NSD3: variants seen among roughly 807,000 people sequenced by gnomAD.
NSD3 encodes histone-lysine N-methyltransferase NSD3.
In NSD3, 24 loss-of-function variants were observed where a neutral mutation model predicts 160.8. The observed-to-expected ratio is 0.15, with a 90% CI of 0.11 to 0.21. NSD3 has a LOEUF of 0.21. NSD3 is among the 10% of genes least tolerant of loss of function. The pLI is 1.00. For synonymous variants in NSD3, 520 were observed against 600.0 expected (o/e 0.87, Z 1.95); for missense variants, 1,157 against 1,735.9 (o/e 0.67, Z 5.93).
At chr8:38,337,931 T>C (rs1810263883) in intron 3 of NSD3, among the ~76,000 whole-genome samples, 1 of 152,194 alleles carries the variant, frequency 6.6e-6, no homozygotes, top group South Asian at 2.1e-4. Flanking sequence ...AGGAAAAATA[T>C]TAATAAGCCC....
chr8:38,296,434 A>G lies in NSD3; in HGVS notation c.2759-482T>C, dbSNP rs1360722173. Among the ~76,000 whole-genome samples the G allele has an allele frequency of 3.3e-5, 5 of 151,624 alleles. No individual in the cohort carries two copies. In the East Asian group the frequency reaches 7.8e-4, roughly 24 times the overall value. On this transcript the variant is annotated intron_variant, in intron 15 of 23. Transcript: ENST00000317025. ...CAATATAATTAGCAAGCAAAAAAATAGCCAATAGGTTGATCAGTACTTTTT... is the reference window on the plus strand; with the variant it reads ...CAATATAATTAGCAAGCAAAAAAATGGCCAATAGGTTGATCAGTACTTTTT...
chr8:38,315,140 T>C (rs551393820), intron 11 of NSD3, among the ~76,000 whole-genome samples: 20 of 152,366 alleles, frequency 1.3e-4, no homozygotes, highest in African/African-American at 4.8e-4. Flanking sequence ...AGAAAGTTAT[T>C]ACTTTAAAAT....
In NSD3 at chr8:38,348,177, T is replaced by A. The variant is rs924938128; in HGVS notation, c.-6A>T. Reference sequence around the variant, plus strand: ...AAAGAGAAAGAGAAATCCATTGTTCTGCTCCAGCATCCTTAACTTTCCCTT... The same window carrying A: ...AAAGAGAAAGAGAAATCCATTGTTCAGCTCCAGCATCCTTAACTTTCCCTT... On this transcript the variant is annotated 5_prime_UTR_variant, in exon 2 of 24. Coordinates refer to ENST00000317025, the MANE Select transcript of NSD3 (RefSeq NM_023034.2). 6.4e-7 allele frequency: 1 copy of A among 1,558,062 alleles called. No homozygotes were observed. The highest frequency in any genetic ancestry group is 1.2e-5 in the South Asian group (1 of 81,042).
At chr8:38,308,327 T>A (rs888519547) in intron 12 of NSD3, among the ~76,000 whole-genome samples, 16 of 152,142 alleles carry the variant, frequency 1.1e-4, no homozygotes, top group African/African-American at 3.9e-4. Context: ...CCATTGTAAA[T>A]ATGTAATTTC....
In NSD3 at chr8:38,362,400, C is replaced by A. The variant is rs1057108289; in HGVS notation, c.-44-14185G>T. Among the ~76,000 whole-genome samples, 4 of 151,464 alleles carry A rather than the reference C, an allele frequency of 2.6e-5. No individual in the cohort carries two copies. In the South Asian group the frequency reaches 8.3e-4, roughly 32 times the overall value. Reference sequence around the variant, plus strand: ...AACTGAGAGTACAGATTTGCTTCTTCCTTCCTAAGAAAGACCTCATAAATG... The same window carrying A: ...AACTGAGAGTACAGATTTGCTTCTTACTTCCTAAGAAAGACCTCATAAATG... On this transcript the variant is annotated intron_variant, in intron 1 of 23. Coordinates refer to ENST00000317025, the MANE Select transcript of NSD3 (RefSeq NM_023034.2).
intron 1 of NSD3, among the ~76,000 whole-genome samples, chr8:38,355,942 G>A (rs1012373101): frequency 6.6e-6 from 1 of 152,070 alleles, no homozygotes; most frequent in African/African-American, 2.4e-5. Flanking sequence ...GTAAATGGAG[G>A]GTTCAAACAC....
Position 38,316,967 on chromosome 8 carries a change from G to A in NSD3, c.1856-925C>T, listed in dbSNP as rs1005808305. 3.2e-5 allele frequency: 34 copies of A among 1,060,736 alleles called. No homozygotes were observed. The highest frequency in any genetic ancestry group is 3.7e-5 in the Non-Finnish European group (32 of 876,368). 65.7% of individuals were successfully genotyped at this position (1,060,736 alleles called of 1,614,324 possible). ...ACGGTGAATACCAAGGAACCAAGGAGACGGTTAATATTTCAACCCACAGTT... is the reference window on the plus strand; with the variant it reads ...ACGGTGAATACCAAGGAACCAAGGAAACGGTTAATATTTCAACCCACAGTT... On this transcript the variant is annotated intron_variant, in intron 9 of 23. Transcript: ENST00000317025. The surrounding 1 kb of genome is among the most constrained non-coding windows in gnomAD (Gnocchi z 4.5).
chr8:38,374,401 G>C (rs146007124), intron 1 of NSD3, among the ~76,000 whole-genome samples: 170 of 152,226 alleles, frequency 1.1e-3, no homozygotes, highest in African/African-American at 4.0e-3. Context: ...TTATCTATTA[G>C]AATGTGGGTA....
chr8:38,329,917 A>G lies in NSD3; in HGVS notation c.1066-24T>C. 1.3e-6 allele frequency: 2 copies of G among 1,543,870 alleles called. No homozygotes were observed. The highest frequency in any genetic ancestry group is 1.7e-6 in the Non-Finnish European group (2 of 1,154,380). ...ATCTTTAAAAAAGATAGAGATTATC[A>G]GACATGCTTTACTCTAATAGGTACA... On this transcript the variant is annotated intron_variant, in intron 5 of 23. Coordinates refer to ENST00000317025, the MANE Select transcript of NSD3 (RefSeq NM_023034.2). This position sits in a 1 kb window ranked among gnomAD's most constrained non-coding sequence, Gnocchi z 4.8.
chr8:38,295,751 T>C (rs757396832), intron 16 of NSD3, 45 bp downstream of exon 16: 8 of 1,590,908 alleles, frequency 5.0e-6, no homozygotes, highest in Non-Finnish European at 6.9e-6. Flanking sequence ...GAAACTGGTC[T>C]GCACAATGAT....
chr8:38,299,043 C>G (rs1172554641), intron 15 of NSD3, among the ~76,000 whole-genome samples: 2 of 152,184 alleles, frequency 1.3e-5, no homozygotes, highest in Non-Finnish European at 2.9e-5. Flanking sequence ...TAATAACCTA[C>G]CTTGTTATTT....
rs778959758 is a variant in NSD3, at chr8:38,347,522, G to A, written c.650C>T (p.Pro217Leu). Residue 217 changes from proline (P) to leucine (L), a missense_variant, in exon 2 of 24, where the codon CCC becomes CTC. Physicochemically the swap from Pro to Leu is moderately conservative, Grantham distance 98. Coordinates refer to ENST00000317025, the MANE Select transcript of NSD3 (RefSeq NM_023034.2). Reference protein sequence around the residue: ...RSEERKSHKIPKLEPEEQNRP... With the variant: ...RSEERKSHKILKLEPEEQNRP... ...ATTTTGTTCCTCTGGTTCTAATTTG[G>A]GGATTTTGTGTGACTTGCGCTCTTC... is the stretch of plus-strand genomic sequence containing the variant. 5.1e-6 allele frequency: 8 copies of A among 1,580,576 alleles called. No homozygotes were observed. Among genetic ancestry groups the A allele is most frequent in the Non-Finnish European group, 6.0e-6 (7 of 1,167,294 alleles).
chr8:38,284,941 G>T (rs62503952), intron 19 of NSD3, among the ~76,000 whole-genome samples: 1 of 152,082 alleles, frequency 6.6e-6, no homozygotes, highest in Non-Finnish European at 1.5e-5. Context: ...TGTAAATAAA[G>T]ATGGAAATAT....
At chr8:38,353,587 T>A (rs1273806939) in intron 1 of NSD3, among the ~76,000 whole-genome samples, 1 of 152,102 alleles carries the variant, frequency 6.6e-6, no homozygotes, top group Non-Finnish European at 1.5e-5. Context: ...ACAAAAAGTT[T>A]TATATTTTCC....
intron 1 of NSD3, among the ~76,000 whole-genome samples, chr8:38,357,889 C>T (rs1810863565): frequency 6.6e-6 from 1 of 152,104 alleles, no homozygotes; most frequent in African/African-American, 2.4e-5. Context: ...GTTACAGTCT[C>T]CTCAGGTAAT....
intron 2 of NSD3, among the ~76,000 whole-genome samples, chr8:38,345,713 C>T (rs1052036412): frequency 6.6e-5 from 10 of 151,602 alleles, no homozygotes; most frequent in Admixed American, 1.3e-4. Context: ...GAGTTTGAGA[C>T]CAGCCTGACT....
intron 14 of NSD3, chr8:38,299,882 G>C: frequency 4.0e-6 from 1 of 251,516 alleles, no homozygotes; most frequent in East Asian, 6.9e-5. Context: ...AAACCCCTTA[G>C]GGAAAACAAA....
At chr8:38,320,941 G>C (rs369509313) in intron 8 of NSD3, 131 bp downstream of exon 8, 3 of 776,830 alleles carry the variant, frequency 3.9e-6, no homozygotes, top group East Asian at 2.6e-5. Context: ...AACCCACCAG[G>C]ACAGAAGCGT....
At chr8:38,326,482 T>C (rs903815318) in intron 7 of NSD3, among the ~76,000 whole-genome samples, 2 of 152,274 alleles carry the variant, frequency 1.3e-5, no homozygotes, top group Admixed American at 1.3e-4. Context: ...TAGAGTTTTA[T>C]AGCTATACAC....
Sources: allele counts gnomAD v4.1 joint callset (sites outside exome capture counted in the v4.1 genomes callset), GRCh38; gene constraint gnomAD v4.1.1; non-coding constraint Gnocchi (gnomAD v3.1); transcripts MANE v1.5; gene names NCBI Gene and HGNC (gene_info 2026-07-23, HGNC 2026-07-21).